The following TMPRSS11D variants were observed in gnomAD, a reference collection of about 807,000 sequenced individuals.
TMPRSS11D encodes transmembrane protease serine 11D.
TMPRSS11D carries 32 observed loss-of-function variants against 44.4 expected under a neutral mutation model. That is an observed-to-expected ratio of 0.72 (90% confidence interval 0.54 to 0.97). TMPRSS11D has a LOEUF of 0.97. TMPRSS11D is among the 50% of genes least tolerant of loss of function. TMPRSS11D has a pLI of 0.00. For synonymous variants in TMPRSS11D, 179 were observed against 177.9 expected (o/e 1.01, Z -0.05); for missense variants, 446 against 502.6 (o/e 0.89, Z 1.08).
At chr4:67,856,101 A>T (rs1246999097) in intron 2 of TMPRSS11D, among the ~76,000 whole-genome samples, 1 of 152,196 alleles carries the variant, frequency 6.6e-6, no homozygotes, top group East Asian at 1.9e-4. Context: ...CCCTATCAAA[A>T]TACCAACATC....
intron 1 of TMPRSS11D, among the ~76,000 whole-genome samples, chr4:67,876,043 T>G (rs1470007054): frequency 2.6e-5 from 4 of 152,232 alleles, no homozygotes; most frequent in Non-Finnish European, 4.4e-5. Flanking sequence ...CCTGAACAAA[T>G]GTACTTGTTT....
intron 9 of TMPRSS11D, 107 bp from the exon 10 acceptor site, chr4:67,822,605 A>G: frequency 8.1e-7 from 1 of 1,237,682 alleles, no homozygotes; most frequent in Non-Finnish European, 1.1e-6. Flanking sequence ...CATTATACAA[A>G]TAAAGTCAGC....
intron 5 of TMPRSS11D, 129 bp from the exon 6 acceptor site, chr4:67,835,250 A>G: frequency 1.3e-6 from 1 of 747,390 alleles, no homozygotes; most frequent in Non-Finnish European, 2.2e-6. Context: ...GTGGTCCTCT[A>G]AAATGCAGAT....
In TMPRSS11D at chr4:67,822,514, ATGAC is replaced by A. The variant is rs1471211157; in HGVS notation, c.1096-20_1096-17del. On this transcript the variant is annotated splice_polypyrimidine_tract_variant and intron_variant, in intron 9 of 9. Coordinates refer to ENST00000283916, the MANE Select transcript of TMPRSS11D (RefSeq NM_004262.3). Reference sequence around the variant, plus strand: ...CAGAGTCACCCTGTAAAAAAACAGAATGACTGATTACTTAAGTGCAAAGACAAAC... The same window carrying A: ...CAGAGTCACCCTGTAAAAAAACAGAATGATTACTTAAGTGCAAAGACAAAC... 1.2e-6 allele frequency: 2 copies of A among 1,613,470 alleles called. No homozygotes were observed. The highest frequency in any genetic ancestry group is 2.7e-5 in the African/African-American group (2 of 74,912).
intron 4 of TMPRSS11D, among the ~76,000 whole-genome samples, chr4:67,841,988 A>G (rs539342277): frequency 6.6e-5 from 10 of 152,330 alleles, no homozygotes; most frequent in Non-Finnish European, 1.3e-4. Flanking sequence ...TGACTATTTC[A>G]GTTGGAAAGG....
intron 2 of TMPRSS11D, among the ~76,000 whole-genome samples, chr4:67,857,067 C>T (rs930728322): frequency 2.0e-5 from 3 of 151,884 alleles, no homozygotes; most frequent in East Asian, 1.9e-4. Context: ...TTATGGAAAA[C>T]GGTATTGAGA....
intron 2 of TMPRSS11D, among the ~76,000 whole-genome samples, chr4:67,856,349 T>A (rs1718634076): frequency 1.3e-5 from 2 of 152,074 alleles, no homozygotes. Context: ...CAACTGAATT[T>A]CAACAAAAGT....
At chr4:67,842,873 A>T (rs573465286) in intron 3 of TMPRSS11D, among the ~76,000 whole-genome samples, 1 of 152,294 alleles carries the variant, frequency 6.6e-6, no homozygotes, top group Non-Finnish European at 1.5e-5. Context: ...GCTAGAAGTC[A>T]TTCTAAACAC....
chr4:67,824,111 C>A (rs1717722551), intron 9 of TMPRSS11D, among the ~76,000 whole-genome samples: 3 of 147,984 alleles, frequency 2.0e-5, no homozygotes. Context: ...AAATAGGATC[C>A]TGTAAGCTCT....
chr4:67,862,605 C>A (rs1468601232), intron 1 of TMPRSS11D, among the ~76,000 whole-genome samples: 1 of 152,054 alleles, frequency 6.6e-6, no homozygotes, highest in Non-Finnish European at 1.5e-5. Context: ...GCTTTACAAC[C>A]ACCTTAAATA....
chr4:67,881,426 T>C (rs1273726093), intron 1 of TMPRSS11D, among the ~76,000 whole-genome samples: 1 of 152,160 alleles, frequency 6.6e-6, no homozygotes, highest in Non-Finnish European at 1.5e-5. Context: ...TAGAAAAACA[T>C]TTGGGCCAAA....
chr4:67,828,621 G>A (rs900039575), intron 7 of TMPRSS11D, among the ~76,000 whole-genome samples: 1 of 152,046 alleles, frequency 6.6e-6, no homozygotes, highest in African/African-American at 2.4e-5. Flanking sequence ...AAACTGTTTC[G>A]CCCAGATCAG....
intron 3 of TMPRSS11D, among the ~76,000 whole-genome samples, chr4:67,848,859 C>T (rs1461140494): frequency 6.6e-6 from 1 of 152,168 alleles, no homozygotes; most frequent in African/African-American, 2.4e-5. Flanking sequence ...TTGGTTTTAT[C>T]ATAAACAATG....
intron 5 of TMPRSS11D, among the ~76,000 whole-genome samples, chr4:67,835,796 G>A (rs1458241516): frequency 6.6e-6 from 1 of 152,152 alleles, no homozygotes; most frequent in East Asian, 1.9e-4. Context: ...CAGATAGAAG[G>A]TACAGTGGGC....
At position 67,822,291 on chromosome 4, in the gene TMPRSS11D, A is replaced by C; in HGVS notation, c.*46T>G. On this transcript the variant is annotated 3_prime_UTR_variant, in exon 10 of 10. Coordinates refer to ENST00000283916, the MANE Select transcript of TMPRSS11D (RefSeq NM_004262.3). ...AATGTAAAGCTTTGGAATTTAAGAC[A>C]GGCACACCTGCATACAGACTTTGCA... The C allele has an allele frequency of 6.3e-7, 1 of 1,582,238 alleles. No homozygotes were observed. The highest frequency in any genetic ancestry group is 8.6e-7 in the Non-Finnish European group (1 of 1,157,830).
intron 7 of TMPRSS11D, 32 bp downstream of exon 7, chr4:67,833,172 G>A: frequency 7.2e-7 from 1 of 1,395,888 alleles, no homozygotes; most frequent in Non-Finnish European, 9.4e-7. Context: ...TATTCTAATT[G>A]TTCCCAGATG....
chr4:67,865,727 A>C (rs1271127941), intron 1 of TMPRSS11D, among the ~76,000 whole-genome samples: 1 of 151,886 alleles, frequency 6.6e-6, no homozygotes, highest in East Asian at 1.9e-4. Context: ...AGAGGAAATC[A>C]ATAAATTCCT....
At chr4:67,829,442 A>G (rs540898588) in intron 7 of TMPRSS11D, among the ~76,000 whole-genome samples, 2 of 57,314 alleles carry the variant, frequency 3.5e-5, no homozygotes, top group East Asian at 3.4e-4. Flanking sequence ...AGAGAACAGT[A>G]GCGTTAAAAA....
chr4:67,867,129 T>C (rs983325848), intron 1 of TMPRSS11D, among the ~76,000 whole-genome samples: 50 of 151,686 alleles, frequency 3.3e-4, no homozygotes, highest in African/African-American at 1.2e-3. Flanking sequence ...GGCATAAAAA[T>C]AAACACATAG....
Sources: gnomAD v4.1 joint callset for allele counts (sites outside exome capture counted in the v4.1 genomes callset) on GRCh38, gnomAD v4.1.1 for gene constraint, MANE v1.5 for transcripts, NCBI Gene and HGNC (gene_info 2026-07-23, HGNC 2026-07-21) for gene names.